Variants in HTR3D observed in about 807,000 individuals in gnomAD.
The protein encoded by HTR3D is 5-hydroxytryptamine (serotonin) receptor 3 family member D.
In HTR3D, 47 loss-of-function variants were observed where a neutral mutation model predicts 45.8. That is an observed-to-expected ratio of 1.03 (90% CI 0.81 to 1.31). The LOEUF (loss-of-function observed/expected upper bound fraction) is 1.31. Among genes scored for constraint, HTR3D ranks in the 50% most tolerant of loss-of-function variants. HTR3D has a pLI of 0.00. For synonymous variants in HTR3D, 203 were observed against 199.8 expected (o/e 1.02, Z -0.13); for missense variants, 448 against 506.9 (o/e 0.88, Z 1.12).
At chr3:184,037,379 C>T (rs930718089) in intron 5 of HTR3D, among the ~76,000 whole-genome samples, 2 of 152,136 alleles carry the variant, frequency 1.3e-5, no homozygotes, top group Admixed American at 6.6e-5. Context: ...AGTACTAAAA[C>T]AATACCTGGT....
chr3:184,033,642 C>G (rs183866771), intron 1 of HTR3D, among the ~76,000 whole-genome samples: 3 of 152,058 alleles, frequency 2.0e-5, no homozygotes, highest in Non-Finnish European at 4.4e-5. Flanking sequence ...AGAAGCTGGG[C>G]GAGGTGGCTC....
rs1344177798 is a variant in HTR3D, at chr3:184,038,680, T to G, written c.985+56T>G. 2 of 1,569,880 alleles carry G rather than the reference T, an allele frequency of 1.3e-6. No homozygotes were observed. Among genetic ancestry groups the G allele is most frequent in the African/African-American group, 2.7e-5 (2 of 73,650 alleles). On this transcript the variant is annotated intron_variant, in intron 7 of 7. Coordinates refer to ENST00000428798, the MANE Select transcript of HTR3D (RefSeq NM_001145143.1). The surrounding 1 kb of genome is among the most constrained non-coding windows in gnomAD (Gnocchi z 4.5). ...CCTCCACTTCTCTGCTCCTGCCTCC[T>G]TCCCTGTCTCCCTCCCTCCACAGGT... is the stretch of plus-strand genomic sequence containing the variant.
At chr3:184,035,462 G>C (rs142549469) in intron 2 of HTR3D, among the ~76,000 whole-genome samples, 7 of 152,276 alleles carry the variant, frequency 4.6e-5, no homozygotes, top group African/African-American at 1.4e-4. Context: ...TACTTATGTG[G>C]CTCCATCCCA....
At chr3:184,033,660 T>TA (rs1265585696) in intron 1 of HTR3D, among the ~76,000 whole-genome samples, 1 of 152,118 alleles carries the variant, frequency 6.6e-6, no homozygotes, top group Non-Finnish European at 1.5e-5. Context: ...CTCATGCCTG[T>TA]AATCTCAGCA....
chr3:184,036,778 T>A lies in HTR3D; in HGVS notation c.398T>A (p.Phe133Tyr), dbSNP rs1316869821. ...GCATGGAGAAGGATGTCCAGGAGCT[T>A]TCAAATACATCACAGAACCTCATTC... Reference protein sequence around the residue: ...TRAWRRMSRSFQIHHRTSFRT... With the variant: ...TRAWRRMSRSYQIHHRTSFRT... Residue 133 changes from phenylalanine to tyrosine, a missense_variant, in exon 5 of 8, where the codon TTT becomes TAT. Physicochemically the swap from Phe to Tyr is conservative, Grantham distance 22. Transcript: ENST00000428798. 6.4e-7 allele frequency: 1 copy of A among 1,551,974 alleles called. No individual in the cohort carries two copies. The highest frequency in any genetic ancestry group is 1.2e-5 in the South Asian group (1 of 84,056).
At chr3:184,033,118 G>GT in intron 1 of HTR3D, 25 of 1,149,980 alleles carry the variant, frequency 2.2e-5, no homozygotes, top group Non-Finnish European at 2.9e-5. Flanking sequence ...CCTCTGACTG[G>GT]ATTTTTTTTT....
upstream of HTR3D, chr3:184,031,628 G>A: frequency 2.9e-6 from 2 of 693,852 alleles, no homozygotes; most frequent in Non-Finnish European, 5.1e-6. Context: ...TAGAGAGGCG[G>A]TTAATGCCAG....
intron 2 of HTR3D, 141 bp downstream of exon 2, chr3:184,035,363 T>C (rs987732469): frequency 2.5e-6 from 2 of 800,708 alleles, no homozygotes; most frequent in Non-Finnish European, 4.0e-6. Flanking sequence ...ATAATGAAAA[T>C]ACAAAACTTT....
In HTR3D at chr3:184,035,229, C is replaced by G. The variant is rs1722852428; in HGVS notation, c.111+7C>G. On this transcript the variant is annotated splice_region_variant and intron_variant, in intron 2 of 7. Transcript: ENST00000428798. ...GTTCCTGTGGCTAAATATGGTATGA[C>G]AGACTCAGTTTCCCCTTTCCTCTAC... 1.9e-6 allele frequency: 3 copies of G among 1,551,744 alleles called. No homozygotes were observed. Among genetic ancestry groups the G allele is most frequent in the South Asian group, 2.4e-5 (2 of 84,058 alleles).
In HTR3D at chr3:184,036,913, A is replaced by G; in HGVS notation, c.516+17A>G. ...ATCTTCCATGTGAGCTCAGGGGCCA[A>G]GACAAGGTTTCACCATGTTGGCCAG... On this transcript the variant is annotated intron_variant, in intron 5 of 7. Transcript: ENST00000428798. 6.5e-7 allele frequency: 1 copy of G among 1,550,298 alleles called. No individual in the cohort carries two copies. The highest frequency in any genetic ancestry group is 8.7e-7 in the Non-Finnish European group (1 of 1,146,146).
upstream of HTR3D, chr3:184,031,637 A>C: frequency 1.4e-6 from 1 of 735,178 alleles, no homozygotes. Flanking sequence ...GGTTAATGCC[A>C]GCTGATATAT....
chr3:184,031,648 A>T (rs1320864090), upstream of HTR3D: 3 of 818,850 alleles, frequency 3.7e-6, no homozygotes, highest in Admixed American at 6.3e-5. Flanking sequence ...GCTGATATAT[A>T]TATTATTCAA....
chr3:184,035,006 A>T, intron 1 of HTR3D, 172 bp from the exon 2 acceptor site: 1 of 1,427,286 alleles, frequency 7.0e-7, no homozygotes, highest in Admixed American at 2.7e-5. Flanking sequence ...TGTGTTTTTC[A>T]TTTACATTTT....
intron 2 of HTR3D, 140 bp downstream of exon 2, chr3:184,035,362 A>G (rs1467947223): frequency 2.5e-6 from 2 of 803,808 alleles, no homozygotes; most frequent in Non-Finnish European, 2.0e-6. Context: ...AATAATGAAA[A>G]TACAAAACTT....
Position 184,039,042 on chromosome 3 carries a change from G to T in HTR3D, c.*67G>T. 2 of 1,405,512 alleles carry T rather than the reference G, an allele frequency of 1.4e-6. No individual in the cohort carries two copies. Among genetic ancestry groups the T allele is most frequent in the South Asian group, 1.2e-5 (1 of 83,554 alleles). 87.1% of individuals were successfully genotyped at this position (1,405,512 alleles called of 1,614,324 possible). On this transcript the variant is annotated 3_prime_UTR_variant, in exon 8 of 8. Transcript: ENST00000428798. ...CCAGAGAACTCCAGAAACCAGTCAG[G>T]CTCTCAGTCAGCCTTGTGGCCCTGT...
Position 184,033,642 on chromosome 3 carries a change from C to T in HTR3D, c.67-1536C>T, listed in dbSNP as rs183866771. Among the ~76,000 whole-genome samples the T allele has an allele frequency of 5.0e-3, 760 of 152,176 alleles. 23 individuals are homozygous for T. Among genetic ancestry groups the T allele is most frequent in the Non-Finnish European group, 1.3e-3 (89 of 68,014 alleles). On this transcript the variant is annotated intron_variant, in intron 1 of 7. Coordinates refer to ENST00000428798, the MANE Select transcript of HTR3D (RefSeq NM_001145143.1). The stretch of plus-strand genomic sequence containing the variant: ...TATTAAAAAACAAACAGAAGCTGGG[C>T]GAGGTGGCTCATGCCTGTAATCTCA...
chr3:184,036,390 T>TGCAGGTC lies in HTR3D; in HGVS notation c.214_220dup (p.Leu74ArgfsTer6). ...ACAGCATCAGTGTGGATCAGACACC[T>TGCAGGTC]GCAGGTCTCATGGCTAGTATGTCAA... On this transcript the variant is annotated frameshift_variant, in exon 4 of 8. Transcript: ENST00000428798. LOFTEE classifies it high-confidence loss of function. 3.7e-6 allele frequency: 6 copies of TGCAGGTC among 1,614,178 alleles called. No homozygotes were observed. Among genetic ancestry groups the TGCAGGTC allele is most frequent in the Non-Finnish European group, 5.1e-6 (6 of 1,180,046 alleles).
chr3:184,036,715 C>A, intron 4 of HTR3D, 33 bp from the exon 5 acceptor site: 1 of 1,552,910 alleles, frequency 6.4e-7, no homozygotes, highest in Non-Finnish European at 8.7e-7. Flanking sequence ...GAGGCTGAGT[C>A]TTCTGGGCCT....
rs890133288 is a variant in HTR3D, at chr3:184,036,092, C to T, written c.189C>T (p.Ile63=). 5.2e-6 allele frequency: 8 copies of T among 1,550,684 alleles called. No individual in the cohort carries two copies. Among genetic ancestry groups the T allele is most frequent in the South Asian group, 2.4e-5 (2 of 83,946 alleles). ...TENLWLSDVF[I]EESVDQTPAG... is the part of the protein sequence containing the mutation. ...ACCTATGGCTTTCAGATGTCTTCAT[C>T]GAGGAGTCGTGAGTCTCAGGCCAAA... The change falls in exon 3 of 8, where the codon ATC becomes ATT. Residue 63 remains isoleucine (I), a synonymous_variant. Transcript: ENST00000428798.
Sources: gnomAD v4.1 joint callset for allele counts (sites outside exome capture counted in the v4.1 genomes callset) on GRCh38, gnomAD v4.1.1 for gene constraint, Gnocchi (gnomAD v3.1) non-coding constraint, MANE v1.5 for transcripts, NCBI Gene and HGNC (gene_info 2026-07-23, HGNC 2026-07-21) for gene names.